The following SFSWAP variants were observed in gnomAD, a reference collection of about 807,000 sequenced individuals.
SFSWAP encodes splicing factor, suppressor of white-apricot homolog.
A neutral mutation model predicts 100.7 loss-of-function variants in SFSWAP; 17 were observed. The observed-to-expected ratio is 0.17, with a 90% CI of 0.12 to 0.25. The LOEUF (loss-of-function observed/expected upper bound fraction) is 0.25. SFSWAP is among the 10% of genes least tolerant of loss of function. SFSWAP has a pLI of 1.00. For synonymous variants in SFSWAP, 504 were observed against 510.1 expected (o/e 0.99, Z 0.16); for missense variants, 1,005 against 1,262.6 (o/e 0.80, Z 3.09).
intron 4 of SFSWAP, among the ~76,000 whole-genome samples, chr12:131,723,713 C>T (rs771159071): frequency 3.9e-5 from 6 of 152,148 alleles, no homozygotes; most frequent in South Asian, 2.1e-4. Flanking sequence ...CTTAGGAAAC[C>T]GTGCATTTGT....
chr12:131,798,891 GAAAA>G, intron 16 of SFSWAP, 142 bp from the exon 17 acceptor site: 2 of 537,652 alleles, frequency 3.7e-6, no homozygotes, highest in Non-Finnish European at 3.3e-6. Context: ...CTCTTGTCTG[GAAAA>G]AAAAAAAAAG....
At chr12:131,716,599 T>A (rs1877938806) in intron 3 of SFSWAP, among the ~76,000 whole-genome samples, 1 of 152,218 alleles carries the variant, frequency 6.6e-6, no homozygotes, top group African/African-American at 2.4e-5. Context: ...ATCTGTGGAT[T>A]CAACCAACCA....
chr12:131,774,091 G>A (rs1219935432), intron 13 of SFSWAP, among the ~76,000 whole-genome samples: 1 of 152,232 alleles, frequency 6.6e-6, no homozygotes, highest in Non-Finnish European at 1.5e-5. Context: ...GACAGGATGA[G>A]AGCCGCATTT....
chr12:131,713,155 A>G (rs1664109005), intron 1 of SFSWAP: 2 of 152,120 alleles, frequency 1.3e-5, no homozygotes, highest in Admixed American at 6.6e-5. Flanking sequence ...TTGTTTCTCT[A>G]CATTTGTTTT....
intron 11 of SFSWAP, among the ~76,000 whole-genome samples, chr12:131,760,192 A>C (rs1257867588): frequency 6.6e-6 from 1 of 152,220 alleles, no homozygotes; most frequent in Non-Finnish European, 1.5e-5. Flanking sequence ...TGAAGCTGTA[A>C]ATCATAGGGA....
At chr12:131,732,280 G>A (rs987179738) in intron 7 of SFSWAP, among the ~76,000 whole-genome samples, 4 of 152,146 alleles carry the variant, frequency 2.6e-5, no homozygotes, top group Non-Finnish European at 4.4e-5. Context: ...TTGCAATGCC[G>A]GACAGTGAGG....
intron 7 of SFSWAP, among the ~76,000 whole-genome samples, chr12:131,748,218 C>CT (rs55709935): frequency 0.7 from 100,183 of 143,564 alleles, 36,474 homozygotes; most frequent in Non-Finnish European, 0.82. Context: ...TATTTTAATT[C>CT]TTTTTTTTTT....
rs1259091174 is a variant in SFSWAP at position 131,778,678 on chromosome 12, TG to T, written c.2408+350del. 6.6e-6 allele frequency among the ~76,000 whole-genome samples: 1 copy of T among 152,012 alleles called. No homozygotes were observed. The highest frequency in any genetic ancestry group is 6.6e-5 in the Admixed American group (1 of 15,262). On this transcript the variant is annotated intron_variant, in intron 14 of 17. Transcript: ENST00000261674. This position sits in a 1 kb window ranked among gnomAD's most constrained non-coding sequence, Gnocchi z 4.2. The stretch of plus-strand genomic sequence containing the variant: ...GATTACAGGTGCCCACCACCACGCC[TG>T]GCTAATTTTTGTATTTTTAGTAGAG...
At chr12:131,743,388 G>C (rs531766110) in intron 7 of SFSWAP, among the ~76,000 whole-genome samples, 1 of 152,166 alleles carries the variant, frequency 6.6e-6, no homozygotes, top group Admixed American at 6.5e-5. Context: ...AAATACAACC[G>C]TCCATATGAG....
rs756968983 is a variant in SFSWAP, at chr12:131,753,373, G to A, written c.1322+10G>A. ...CAACCACCACCACAAGGTAGGTGCAGCGTCCACCGCTGCCTGCTGTGTGAG... is the reference window on the plus strand; with the variant it reads ...CAACCACCACCACAAGGTAGGTGCAACGTCCACCGCTGCCTGCTGTGTGAG... On this transcript the variant is annotated intron_variant, in intron 8 of 17. Coordinates refer to ENST00000261674, the MANE Select transcript of SFSWAP (RefSeq NM_004592.4). 52 of 1,606,736 alleles carry A rather than the reference G, an allele frequency of 3.2e-5. No individual in the cohort carries two copies. The highest frequency in any genetic ancestry group is 8.4e-5 in the Admixed American group (5 of 59,812).
At chr12:131,784,060 A>G (rs921821390) in intron 14 of SFSWAP, 22 of 152,134 alleles carry the variant, frequency 1.4e-4, no homozygotes, top group African/African-American at 5.3e-4. Context: ...GGGGGAAACC[A>G]GATGCTTGCA....
chr12:131,728,549 C>T (rs982224793), intron 7 of SFSWAP, 121 bp downstream of exon 7: 1 of 1,088,122 alleles, frequency 9.2e-7, no homozygotes, highest in Non-Finnish European at 1.3e-6. Context: ...GCAGGCGGCC[C>T]AGAGCCTGCA....
intron 13 of SFSWAP, among the ~76,000 whole-genome samples, chr12:131,776,684 GGGA>G (rs1884053516): frequency 1.3e-5 from 2 of 152,234 alleles, no homozygotes; most frequent in African/African-American, 2.4e-5. Context: ...GCTCTCCCCG[GGGA>G]GCAGCTGGGG....
chr12:131,766,129 C>G lies in SFSWAP; in HGVS notation c.1963C>G (p.Leu655Val). The G allele has an allele frequency of 6.2e-7, 1 of 1,610,560 alleles. No homozygotes were observed. ...GTTTATTCCTTAAGCAAAGCAAAAG[C>G]TGGAAGATCGCCTCGCAGCTGCTGC... is the stretch of plus-strand genomic sequence containing the variant. ...ELEAKQAKQK[L>V]EDRLAAAARE... Residue 655 changes from leucine to valine, a missense_variant, in exon 13 of 18, where the codon CTG (leucine) becomes GTG (valine). Physicochemically the swap from Leu to Val is conservative, Grantham distance 32 (BLOSUM62 1). Transcript: ENST00000261674.
intron 13 of SFSWAP, among the ~76,000 whole-genome samples, chr12:131,774,515 A>G (rs1883859547): frequency 6.6e-6 from 1 of 152,072 alleles, no homozygotes; most frequent in Admixed American, 6.5e-5. Flanking sequence ...TTTGTCCCGG[A>G]CTCTACCTAA....
At chr12:131,783,333 C>T (rs1225271252) in intron 14 of SFSWAP, 2 of 152,126 alleles carry the variant, frequency 1.3e-5, no homozygotes, top group Non-Finnish European at 2.9e-5. Flanking sequence ...TAAGTATCAG[C>T]TTGAAACTAA....
chr12:131,736,672 A>AT (rs1880050708), intron 7 of SFSWAP, among the ~76,000 whole-genome samples: 1 of 151,614 alleles, frequency 6.6e-6, no homozygotes, highest in Non-Finnish European at 1.5e-5. Flanking sequence ...TTCGTGTTAC[A>AT]GTAGAAAGGA....
In SFSWAP at chr12:131,754,473, C is replaced by T. The variant is rs1881962015; in HGVS notation, c.1428C>T (p.Thr476=). ...CCAGGAACGGCCTGAAGTTCGAGAC[C>T]AGTGTTCGTGCCAAGAATGATCAAA... The part of the protein sequence containing the change: ...YVARNGLKFE[T]SVRAKNDQRF... The change falls in exon 9 of 18, where the codon ACC becomes ACT. Residue 476 remains threonine, a synonymous_variant. Coordinates refer to ENST00000261674, the MANE Select transcript of SFSWAP (RefSeq NM_004592.4). 2.5e-6 allele frequency: 4 copies of T among 1,602,374 alleles called. No homozygotes were observed. The highest frequency in any genetic ancestry group is 1.7e-4 in the Middle Eastern group (1 of 6,032).
intron 14 of SFSWAP, among the ~76,000 whole-genome samples, chr12:131,781,231 A>AT (rs777036857): frequency 4.8e-5 from 3 of 62,634 alleles, no homozygotes; most frequent in African/African-American, 1.0e-4. Flanking sequence ...AATATATCTT[A>AT]TTATTTTTTT....
Sources: allele counts gnomAD v4.1 joint callset (sites outside exome capture counted in the v4.1 genomes callset), GRCh38; gene constraint gnomAD v4.1.1; non-coding constraint Gnocchi (gnomAD v3.1); transcripts MANE v1.5; gene names NCBI Gene and HGNC (gene_info 2026-07-23, HGNC 2026-07-21).